The following ARHGAP8 variants were observed in gnomAD, a reference collection of about 807,000 sequenced individuals.
The protein encoded by ARHGAP8 is Rho GTPase activating protein 8, also known as rho GTPase-activating protein 8.
In ARHGAP8, 62 loss-of-function variants were observed where a neutral mutation model predicts 46.1. That is an observed-to-expected ratio of 1.34 (90% CI 1.10 to 1.66). The LOEUF is 1.66. ARHGAP8 is among the 40% of genes most tolerant of loss of function. ARHGAP8 has a pLI of 0.00. For synonymous variants in ARHGAP8, 375 were observed against 243.1 expected, an observed-to-expected ratio of 1.54 and a Z score of -5.05; for missense variants, 923 against 568.4, an observed-to-expected ratio of 1.62 and a Z score of -6.34.
chr22:44,818,741 G>C (rs532538167), intron 5 of ARHGAP8, among the ~76,000 whole-genome samples: 1 of 151,478 alleles, frequency 6.6e-6, no homozygotes, highest in Admixed American at 6.6e-5. Context: ...CCATCAGCCC[G>C]GCTGGAGTGC....
chr22:44,849,198 G>C, intron 10 of ARHGAP8, 138 bp downstream of exon 10: 1 of 1,491,312 alleles, frequency 6.7e-7, no homozygotes, highest in Non-Finnish European at 9.0e-7. Context: ...GGCACTGCAG[G>C]GCAAGAGAGG....
chr22:44,797,981 T>G (rs1928215211), intron 2 of ARHGAP8, among the ~76,000 whole-genome samples: 1 of 137,550 alleles, frequency 7.3e-6, no homozygotes, highest in East Asian at 2.1e-4. Context: ...CCAATAAGAT[T>G]TTTTTTTTTT....
intron 10 of ARHGAP8, chr22:44,850,215 G>C (rs144353861): frequency 1.3e-5 from 2 of 152,254 alleles, no homozygotes; most frequent in African/African-American, 4.8e-5. Context: ...CAAATGCAAC[G>C]CCCTTTCTGA....
At chr22:44,790,154 T>C (rs1208955278) in intron 2 of ARHGAP8, among the ~76,000 whole-genome samples, 2 of 152,008 alleles carry the variant, frequency 1.3e-5, no homozygotes, top group East Asian at 3.9e-4. Flanking sequence ...GTCTCTGGGG[T>C]TGGAGAATGA....
chr22:44,779,246 C>T (rs929744171), intron 1 of ARHGAP8, among the ~76,000 whole-genome samples: 1 of 151,504 alleles, frequency 6.6e-6, no homozygotes, highest in Non-Finnish European at 1.5e-5. Flanking sequence ...ATTACAGGTC[C>T]CCACCATCCA....
intron 4 of ARHGAP8, chr22:44,809,170 G>A (rs1929162657): frequency 2.1e-6 from 1 of 470,908 alleles, no homozygotes; most frequent in Non-Finnish European, 4.4e-6. Context: ...AGCTTTGCAG[G>A]CCTGTTGCTC....
intron 2 of ARHGAP8, among the ~76,000 whole-genome samples, chr22:44,796,367 C>T (rs1172771965): frequency 6.6e-6 from 1 of 152,098 alleles, no homozygotes; most frequent in African/African-American, 2.4e-5. Flanking sequence ...GCAGGGTGGG[C>T]CGATGCTGTA....
At chr22:44,821,958 G>A (rs985187439) in intron 5 of ARHGAP8, among the ~76,000 whole-genome samples, 45 of 152,046 alleles carry the variant, frequency 3.0e-4, no homozygotes, top group Non-Finnish European at 5.7e-4. Flanking sequence ...CCCCAAAACC[G>A]CGAGCAACTG....
At position 44,849,033 on chromosome 22, in the gene ARHGAP8, G is replaced by T. The variant is rs139669165; in HGVS notation, c.850G>T (p.Ala284Ser). Residue 284 changes from alanine to serine, a missense_variant, in exon 10 of 12, where the codon GCC becomes TCC. Coordinates refer to ENST00000356099, the MANE Select transcript of ARHGAP8 (RefSeq NM_181335.3). ...GCCCCAGCCGCTTCTGACCTTCCAGGCCTACGAGCAGATTCTCGGGATCAC... is the reference window on the plus strand; with the variant it reads ...GCCCCAGCCGCTTCTGACCTTCCAGTCCTACGAGCAGATTCTCGGGATCAC... ...ELPQPLLTFQ[A>S]YEQILGITCV... 1.9e-6 allele frequency: 3 copies of T among 1,613,876 alleles called. No homozygotes were observed. Among genetic ancestry groups the T allele is most frequent in the Non-Finnish European group, 2.5e-6 (3 of 1,179,966 alleles).
intron 1 of ARHGAP8, among the ~76,000 whole-genome samples, chr22:44,778,245 A>G (rs1602161509): frequency 6.6e-6 from 1 of 152,058 alleles, no homozygotes; most frequent in Non-Finnish European, 1.5e-5. Flanking sequence ...GCATCCTCAT[A>G]GCTTAGCTCC....
intron 2 of ARHGAP8, among the ~76,000 whole-genome samples, chr22:44,797,187 T>C (rs147664342): frequency 1.7e-4 from 26 of 151,440 alleles, no homozygotes; most frequent in African/African-American, 4.9e-4. Flanking sequence ...TTGCACTTGG[T>C]CTGATTCCAG....
chr22:44,790,591 G>A (rs1602179350), intron 2 of ARHGAP8, among the ~76,000 whole-genome samples: 1 of 142,438 alleles, frequency 7.0e-6, no homozygotes, highest in African/African-American at 2.6e-5. Context: ...CAGGAGAATC[G>A]CTTGAACCCG....
chr22:44,762,842 C>A lies in ARHGAP8; in HGVS notation c.-72+10215C>A, dbSNP rs140049302. On this transcript the variant is annotated intron_variant, in intron 1 of 11. Transcript: ENST00000356099. ...TACAGGCATGAGCCACCGTTCCCAG[C>A]GATTATGAGCTCTCTTGACCGTACC... Among the ~76,000 whole-genome samples the A allele has an allele frequency of 2.0e-5, 3 of 152,146 alleles. No individual in the cohort carries two copies. The South Asian group carries it at 6.2e-4, about 32-fold the overall frequency.
intron 1 of ARHGAP8, among the ~76,000 whole-genome samples, chr22:44,758,008 G>T (rs547977820): frequency 3.3e-5 from 5 of 152,216 alleles, no homozygotes; most frequent in South Asian, 2.1e-4. Flanking sequence ...TACAGAGGGG[G>T]ATCCCTGGAT....
chr22:44,792,252 C>T (rs534094843), intron 2 of ARHGAP8, among the ~76,000 whole-genome samples: 1 of 152,188 alleles, frequency 6.6e-6, no homozygotes, highest in East Asian at 1.9e-4. Context: ...CCTCATGATC[C>T]ACCTGCCTCG....
At position 44,780,262 on chromosome 22, in the gene ARHGAP8, C is replaced by G. The variant is rs1323308552; in HGVS notation, c.-71-6195C>G. Reference sequence around the variant, plus strand: ...GTCTCAGCTACTCAGGAGGCTGAGGCAAGAGGATCTCTTGAGCCCAGGAGG... The same window carrying G: ...GTCTCAGCTACTCAGGAGGCTGAGGGAAGAGGATCTCTTGAGCCCAGGAGG... On this transcript the variant is annotated intron_variant, in intron 1 of 11. Coordinates refer to ENST00000356099, the MANE Select transcript of ARHGAP8 (RefSeq NM_181335.3). 2.0e-5 allele frequency among the ~76,000 whole-genome samples: 3 copies of G among 152,190 alleles called. No homozygotes were observed. In the East Asian group the frequency reaches 5.8e-4, roughly 29 times the overall value.
rs1336852981 is a variant in ARHGAP8 at position 44,849,144 on chromosome 22, G to T, written c.877+84G>T. 10 of 1,586,966 alleles carry T rather than the reference G, an allele frequency of 6.3e-6. No homozygotes were observed. In the East Asian group the frequency reaches 2.2e-4, roughly 35 times the overall value. ...CTACTGGCCCAGGGTCAGGCTCTGGGGTGGCCGAGGTGACGTGTACCCACC... is the reference window on the plus strand; with the variant it reads ...CTACTGGCCCAGGGTCAGGCTCTGGTGTGGCCGAGGTGACGTGTACCCACC... On this transcript the variant is annotated intron_variant, in intron 10 of 11. Coordinates refer to ENST00000356099, the MANE Select transcript of ARHGAP8 (RefSeq NM_181335.3).
intron 5 of ARHGAP8, 41 bp downstream of exon 5, chr22:44,814,799 G>T (rs1929617287): frequency 1.9e-6 from 3 of 1,605,244 alleles, no homozygotes; most frequent in South Asian, 1.1e-5. Context: ...GGGGTTGGAG[G>T]TTTCACCCCT....
chr22:44,821,151 G>A (rs1004564977), intron 5 of ARHGAP8, among the ~76,000 whole-genome samples: 1 of 152,052 alleles, frequency 6.6e-6, no homozygotes, highest in African/African-American at 2.4e-5. Flanking sequence ...GTATATCTTG[G>A]CCAGGCACGG....
Sources: allele counts gnomAD v4.1 joint callset (sites outside exome capture counted in the v4.1 genomes callset), GRCh38; gene constraint gnomAD v4.1.1; transcripts MANE v1.5; gene names NCBI Gene and HGNC (gene_info 2026-07-23, HGNC 2026-07-21).